The following UGP2 variants were observed in gnomAD, a reference collection of about 807,000 sequenced individuals.
UGP2 encodes UDP-glucose pyrophosphorylase 2, also known as UTP--glucose-1-phosphate uridylyltransferase.
UGP2 carries 40 observed loss-of-function variants against 49.0 expected under a neutral mutation model. The observed-to-expected ratio is 0.82, with a 90% CI of 0.63 to 1.06. The LOEUF is 1.06. Ranked by LOEUF, UGP2 falls within the 50% of genes least tolerant of loss-of-function variation. The pLI is 0.00. For missense variants in UGP2, 460 were observed against 603.5 expected (o/e 0.76, Z 2.49); for synonymous variants, 225 against 213.0 (o/e 1.06, Z -0.49).
intron 3 of UGP2, 99 bp from the exon 4 acceptor site, chr2:63,882,367 C>T (rs1558959102): frequency 2.0e-5 from 23 of 1,160,716 alleles, no homozygotes; most frequent in East Asian, 1.6e-4. Context: ...ACAGAGAAAC[C>T]GAAACTTTAT....
intron 1 of UGP2, among the ~76,000 whole-genome samples, chr2:63,843,712 T>C (rs570196908): frequency 3.9e-5 from 6 of 152,294 alleles, no homozygotes; most frequent in East Asian, 1.9e-4. Context: ...AAAAAAACTT[T>C]TTATATTTTG....
At chr2:63,862,354 T>C (rs957079993) in intron 3 of UGP2, among the ~76,000 whole-genome samples, 1 of 152,096 alleles carries the variant, frequency 6.6e-6, no homozygotes, top group South Asian at 2.1e-4. Context: ...GCAGACATAC[T>C]AATTTAGCAA....
Position 63,887,372 on chromosome 2 carries a change from T to C in UGP2, c.1072-30T>C, listed in dbSNP as rs768807530. The C allele has an allele frequency of 3.1e-6, 5 of 1,612,712 alleles. No homozygotes were observed. In the East Asian group the frequency reaches 8.9e-5, roughly 29 times the overall value. On this transcript the variant is annotated intron_variant, in intron 7 of 9. Coordinates refer to ENST00000337130, the MANE Select transcript of UGP2 (RefSeq NM_006759.4). ...AGTTGTAGGTGCCTAAAACCTCTGTTTTCTATTCCCCACCCCTAATTTCTT... is the reference window on the plus strand; with the variant it reads ...AGTTGTAGGTGCCTAAAACCTCTGTCTTCTATTCCCCACCCCTAATTTCTT...
At chr2:63,889,298 T>C (rs915507022) in intron 8 of UGP2, 6 of 152,086 alleles carry the variant, frequency 3.9e-5, no homozygotes, top group Non-Finnish European at 8.8e-5. Flanking sequence ...ATTTGAGTTT[T>C]TGTTTTTTTT....
At chr2:63,845,541 C>T (rs143387702) in intron 1 of UGP2, among the ~76,000 whole-genome samples, 2,414 of 149,610 alleles carry the variant, frequency 0.016, 26 homozygotes, top group Non-Finnish European at 0.026. Context: ...AAAAAAGTGC[C>T]GGGGTGGGGC....
intron 4 of UGP2, among the ~76,000 whole-genome samples, chr2:63,883,743 C>T (rs1481743711): frequency 6.6e-6 from 1 of 152,206 alleles, no homozygotes; most frequent in Non-Finnish European, 1.5e-5. Context: ...ACAGTAGTTT[C>T]TATCTCAGAG....
intron 1 of UGP2, chr2:63,854,917 G>C (rs1209015289): frequency 1.3e-5 from 2 of 152,274 alleles, no homozygotes; most frequent in African/African-American, 4.8e-5. Context: ...TGTTGACAGA[G>C]AGCACATGCA....
intron 3 of UGP2, among the ~76,000 whole-genome samples, chr2:63,875,530 A>G (rs922630154): frequency 2.6e-5 from 4 of 152,236 alleles, no homozygotes; most frequent in African/African-American, 9.6e-5. Context: ...AGATCATGGT[A>G]GATAGTTTTA....
In UGP2 at chr2:63,879,259, A is replaced by C. The variant is rs78358317; in HGVS notation, c.256-3207A>C. Among the ~76,000 whole-genome samples, 898 of 152,300 alleles carry C rather than the reference A, an allele frequency of 5.9e-3. 13 individuals carry two copies. The highest frequency in any genetic ancestry group is 0.02 in the African/African-American group (837 of 41,578). On this transcript the variant is annotated intron_variant, in intron 3 of 9. Transcript: ENST00000337130. ...ATATTTTCCTAAAGATACCTATCTA[A>C]TGTACTGAGTTTTATGTTTATTGTC...
At position 63,887,501 on chromosome 2, in the gene UGP2, C is replaced by T. The variant is rs576892484; in HGVS notation, c.1171C>T (p.Arg391Cys). The change falls in exon 8 of 10, where the codon CGT becomes TGT. Residue 391 changes from arginine (R) to cysteine (C), a missense_variant. Arg to Cys is a radical substitution (Grantham distance 180). Coordinates refer to ENST00000337130, the MANE Select transcript of UGP2 (RefSeq NM_006759.4). The part of the protein sequence containing the change: ...NSLGINVPRS[R>C]FLPVKTTSDL... ...TCTAGGTATTAATGTGCCAAGGAGC[C>T]GTTTTCTGCCTGTCAAAACCACATC... 6 of 1,613,992 alleles carry T rather than the reference C, an allele frequency of 3.7e-6. No homozygotes were observed. Among genetic ancestry groups the T allele is most frequent in the East Asian group, 2.2e-5 (1 of 44,854 alleles).
At chr2:63,861,201 GCA>G (rs1005858241) in intron 3 of UGP2, among the ~76,000 whole-genome samples, 1 of 151,950 alleles carries the variant, frequency 6.6e-6, no homozygotes, top group African/African-American at 2.4e-5. Flanking sequence ...TTAAATTAGA[GCA>G]AGAAAGGACA....
At chr2:63,849,362 A>G (rs1024233858) in intron 1 of UGP2, among the ~76,000 whole-genome samples, 3 of 152,190 alleles carry the variant, frequency 2.0e-5, no homozygotes, top group African/African-American at 4.8e-5. Context: ...AGCTGATGTA[A>G]TATTTCATTT....
rs1306189167 is a variant in UGP2 at position 63,842,061 on chromosome 2, G to A, written c.-125G>A. 15 of 1,226,066 alleles carry A rather than the reference G, an allele frequency of 1.2e-5. No individual in the cohort carries two copies. In the African/African-American group the frequency reaches 1.8e-4, roughly 15 times the overall value. The allele number at this position is 1,226,066 out of a possible 1,614,324, so 75.9% of individuals were successfully genotyped here. A position where few individuals can be genotyped will look rare whatever the true frequency, so the allele number is the denominator to read the frequency against. On this transcript the variant is annotated 5_prime_UTR_variant, in exon 1 of 10. Transcript: ENST00000337130. ...CTTTGAATAAATACTCCCTTAAGTA[G>A]TTAAATATAGGAGGAGAAAGAATAC...
At chr2:63,855,610 C>T (rs981158327) in intron 1 of UGP2, 18 of 398,496 alleles carry the variant, frequency 4.5e-5, no homozygotes, top group South Asian at 8.8e-5. Flanking sequence ...GGCGCGATCT[C>T]GCCTCACTGC....
intron 1 of UGP2, among the ~76,000 whole-genome samples, chr2:63,848,711 A>G (rs990837910): frequency 2.0e-5 from 3 of 152,244 alleles, no homozygotes; most frequent in Non-Finnish European, 4.4e-5. Context: ...CCTTCTATTA[A>G]TAACAAGTTC....
intron 3 of UGP2, among the ~76,000 whole-genome samples, chr2:63,876,371 G>A (rs928288726): frequency 1.2e-4 from 19 of 152,130 alleles, no homozygotes; most frequent in Admixed American, 5.9e-4. Flanking sequence ...TCTTTTGAGG[G>A]GTGGTGGTGG....
intron 1 of UGP2, among the ~76,000 whole-genome samples, chr2:63,848,922 C>T (rs1668852337): frequency 1.3e-5 from 2 of 152,150 alleles, no homozygotes; most frequent in Admixed American, 6.5e-5. Context: ...CCAACAGTTC[C>T]GTTGTTTATT....
At chr2:63,859,466 T>C (rs755122316) in intron 3 of UGP2, among the ~76,000 whole-genome samples, 10 of 152,214 alleles carry the variant, frequency 6.6e-5, no homozygotes, top group Non-Finnish European at 1.3e-4. Flanking sequence ...ATCTATCTTT[T>C]GTACTTTGAG....
intron 3 of UGP2, 87 bp from the exon 4 acceptor site, chr2:63,882,379 G>T: frequency 1.6e-6 from 2 of 1,220,610 alleles, no homozygotes; most frequent in Non-Finnish European, 2.2e-6. Context: ...AAACTTTATG[G>T]AAGCATGGAA....
Sources: allele counts gnomAD v4.1 joint callset (sites outside exome capture counted in the v4.1 genomes callset), GRCh38; gene constraint gnomAD v4.1.1; transcripts MANE v1.5; gene names NCBI Gene and HGNC (gene_info 2026-07-23, HGNC 2026-07-21).